The following PHF19 variants were observed in gnomAD, a reference collection of about 807,000 sequenced individuals.
PHF19 encodes polycomb like 3.
A neutral mutation model predicts 79.8 loss-of-function variants in PHF19; 21 were observed. The ratio of observed to expected loss-of-function variants is 0.26; its 90% CI spans 0.19 to 0.38. The LOEUF is 0.38. PHF19 is among the 10% of genes least tolerant of loss of function. The pLI is 1.00. For missense variants in PHF19, 445 were observed against 744.2 expected, an observed-to-expected ratio of 0.60 and a Z score of 4.68; for synonymous variants, 273 against 296.3, an observed-to-expected ratio of 0.92 and a Z score of 0.81.
At position 120,861,224 on chromosome 9, in the gene PHF19, C is replaced by T. The variant is rs773334629; in HGVS notation, c.1219-50G>A. 6 of 1,042,118 alleles carry T rather than the reference C, an allele frequency of 5.8e-6. No individual in the cohort carries two copies. The South Asian group carries it at 7.5e-5, about 13-fold the overall frequency. The allele number at this position is 1,042,118 out of a possible 1,614,324, so 64.6% of individuals were successfully genotyped here. Reference sequence around the variant, plus strand: ...AAGGGTCAGACAGCGAGTATCAAATCCACCTCCCACACAGGCTGCCTCCTA... The same window carrying T: ...AAGGGTCAGACAGCGAGTATCAAATTCACCTCCCACACAGGCTGCCTCCTA... On this transcript the variant is annotated intron_variant, in intron 12 of 14. Transcript: ENST00000373896.
chr9:120,859,997 A>C, intron 14 of PHF19, 93 bp downstream of exon 14: 1 of 725,160 alleles, frequency 1.4e-6, no homozygotes, highest in Admixed American at 2.1e-5. Context: ...AGACACATAG[A>C]ATGAGCCACA....
chr9:120,886,533 G>A (rs2046265388), intron 1 of PHF19, among the ~76,000 whole-genome samples: 1 of 152,204 alleles, frequency 6.6e-6, no homozygotes, highest in South Asian at 2.1e-4. Context: ...CTCAAACCAC[G>A]AGTCATTTAT....
upstream of PHF19, among the ~76,000 whole-genome samples, chr9:120,895,432 A>T (rs1219376467): frequency 1.3e-5 from 2 of 151,976 alleles, no homozygotes; most frequent in Non-Finnish European, 2.9e-5. Context: ...AAAATAAAAA[A>T]TATGCCAGGG....
chr9:120,898,542 T>A (rs2046419099), upstream of PHF19, among the ~76,000 whole-genome samples: 1 of 152,256 alleles, frequency 6.6e-6, no homozygotes. Context: ...CATTTTATCA[T>A]GGCTATTTAA....
upstream of PHF19, among the ~76,000 whole-genome samples, chr9:120,895,243 G>A (rs2046391286): frequency 6.6e-6 from 1 of 152,152 alleles, no homozygotes; most frequent in Non-Finnish European, 1.5e-5. Context: ...CCTCCCTGGA[G>A]GCTTTTCTCA....
In PHF19 at chr9:120,858,193, G is replaced by C. The variant is rs745360077; in HGVS notation, c.1494C>G (p.Cys498Trp). The C allele has an allele frequency of 6.3e-7, 1 of 1,598,616 alleles. No individual in the cohort carries two copies. The highest frequency in any genetic ancestry group is 1.3e-5 in the African/African-American group (1 of 74,710). Residue 498 changes from cysteine to tryptophan, a missense_variant, in exon 15 of 15, where the codon TGC (cysteine) becomes TGG (tryptophan). Transcript: ENST00000373896. The part of the protein sequence containing the change: ...KRWAAELDGR[C>W]PSDSSAEGAS... ...CCCCCTCTGCACTGCTGTCCGAGGG[G>C]CAGCGTCCATCCAGCTCAGCTGCCC...
In PHF19 at chr9:120,860,339, A is replaced by G; in HGVS notation, c.1305-154T>C. On this transcript the variant is annotated intron_variant, in intron 13 of 14. Coordinates refer to ENST00000373896, the MANE Select transcript of PHF19 (RefSeq NM_015651.3). The surrounding 1 kb of genome is among the most constrained non-coding windows in gnomAD (Gnocchi z 4.1). ...CCACCACCACACCTGTCTGTTTCCTACCCAGCCACCCTTCAAAGTCCAAGA... is the reference window on the plus strand; with the variant it reads ...CCACCACCACACCTGTCTGTTTCCTGCCCAGCCACCCTTCAAAGTCCAAGA... The G allele has an allele frequency of 1.7e-6, 1 of 597,754 alleles. No individual in the cohort carries two copies. The allele number at this position is 597,754 out of a possible 1,614,324, so 37.0% of individuals were successfully genotyped here. A position where few individuals can be genotyped will look rare whatever the true frequency, so the allele number is the denominator to read the frequency against.
chr9:120,872,730 G>C (rs2045940666), intron 3 of PHF19, among the ~76,000 whole-genome samples: 1 of 146,910 alleles, frequency 6.8e-6, no homozygotes, highest in South Asian at 2.1e-4. Flanking sequence ...CTGTTGCCCA[G>C]GCTGGAGTGC....
upstream of PHF19, among the ~76,000 whole-genome samples, chr9:120,881,030 G>C (rs1426076866): frequency 6.6e-6 from 1 of 152,072 alleles, no homozygotes; most frequent in East Asian, 1.9e-4. Flanking sequence ...TGGGGCTACA[G>C]TCAGCTAGTA....
At chr9:120,878,258 A>G (rs2131577668), upstream of PHF19, among the ~76,000 whole-genome samples, 1 of 152,320 alleles carries the variant, frequency 6.6e-6, no homozygotes, top group Non-Finnish European at 1.5e-5. Flanking sequence ...GAAAGACAAC[A>G]TGCACAGAGT....
the PHF19 span, chr9:120,903,445 C>T: frequency 3.9e-5 from 6 of 152,442 alleles, no homozygotes; most frequent in South Asian, 4.1e-4. Context: ...CACGATGCTC[C>T]GTCACCTCCT....
chr9:120,862,727 T>TA lies in PHF19; in HGVS notation c.990_991insT (p.Lys331Ter). 1 of 1,614,138 alleles carries TA rather than the reference T, an allele frequency of 6.2e-7. No homozygotes were observed. Among genetic ancestry groups the TA allele is most frequent in the Non-Finnish European group, 8.5e-7 (1 of 1,180,010 alleles). ...AGGCGGAAGATGCACTTCTTCTTCT[T>TA]GATCTCCTTGCCGCAGAGGAACCTG... On this transcript the variant is annotated frameshift_variant, in exon 11 of 15. Coordinates refer to ENST00000373896, the MANE Select transcript of PHF19 (RefSeq NM_015651.3). LOFTEE classifies it high-confidence loss of function. The surrounding 1 kb of genome is among the most constrained non-coding windows in gnomAD (Gnocchi z 4.6).
intron 3 of PHF19, among the ~76,000 whole-genome samples, chr9:120,871,054 C>T (rs2045880957): frequency 6.6e-6 from 1 of 152,184 alleles, no homozygotes. Context: ...AGGTGCATGC[C>T]ACCACACCCA....
intron 1 of PHF19, among the ~76,000 whole-genome samples, chr9:120,882,699 G>C (rs1452893279): frequency 6.6e-6 from 1 of 151,912 alleles, no homozygotes; most frequent in African/African-American, 2.4e-5. Flanking sequence ...AAAATTAGTC[G>C]TGCATGGTGG....
At chr9:120,897,023 C>G (rs566822616), upstream of PHF19, among the ~76,000 whole-genome samples, 1 of 152,244 alleles carries the variant, frequency 6.6e-6, no homozygotes, top group Non-Finnish European at 1.5e-5. Flanking sequence ...AGATGACTTG[C>G]TTTCAAGCCC....
At chr9:120,864,646 G>A (rs2045642323) in intron 9 of PHF19, among the ~76,000 whole-genome samples, 1 of 152,158 alleles carries the variant, frequency 6.6e-6, no homozygotes. Flanking sequence ...CCGCGCCACT[G>A]CACTCCAGCC....
intron 3 of PHF19, among the ~76,000 whole-genome samples, chr9:120,872,037 C>CAAAAAAAAAGAAAAAAAA (rs2045912428): frequency 0.02 from 608 of 30,334 alleles, 33 homozygotes; most frequent in Non-Finnish European, 0.026. Flanking sequence ...GACTCTGTCT[C>CAAAAAAAAAGAAAAAAAA]AAAAAAAAAA....
chr9:120,867,322 C>T (rs2045733706), intron 6 of PHF19, among the ~76,000 whole-genome samples: 1 of 152,252 alleles, frequency 6.6e-6, no homozygotes, highest in Non-Finnish European at 1.5e-5. Flanking sequence ...TCTGGACTTG[C>T]TGCTTCCCAA....
intron 1 of PHF19, chr9:120,876,836 G>A (rs1339489864): frequency 7.6e-6 from 2 of 263,234 alleles, no homozygotes; most frequent in Admixed American, 6.5e-5. Flanking sequence ...ACCCCGATAG[G>A]AAAATTAAAG....
Sources: allele counts gnomAD v4.1 joint callset (sites outside exome capture counted in the v4.1 genomes callset), GRCh38; gene constraint gnomAD v4.1.1; non-coding constraint Gnocchi (gnomAD v3.1); transcripts MANE v1.5; gene names NCBI Gene and HGNC (gene_info 2026-07-23, HGNC 2026-07-21).